The following TRIM49 variants were observed in gnomAD, a reference collection of about 807,000 sequenced individuals.
The protein encoded by TRIM49 is tripartite motif-containing protein 49.
Under a neutral mutation model 27.4 loss-of-function variants are expected in TRIM49, and 5 were observed. The ratio of observed to expected loss-of-function variants is 0.18; its 90% CI spans 0.10 to 0.38. The LOEUF (loss-of-function observed/expected upper bound fraction) is 0.38. TRIM49 is among the 10% of genes least tolerant of loss of function. The pLI is 1.00. For synonymous variants in TRIM49, 69 were observed against 166.0 expected, an observed-to-expected ratio of 0.42 and a Z score of 4.49; for missense variants, 188 against 487.5, an observed-to-expected ratio of 0.39 and a Z score of 5.79.
chr11:89,792,602 G>A, the TRIM49 span, among the ~76,000 whole-genome samples: 16 of 152,090 alleles, frequency 1.1e-4, no homozygotes, highest in South Asian at 2.1e-4. Context: ...ACTCAAAACC[G>A]CTCAACTACA....
chr11:89,806,312 C>CATATATGT (rs1949789295), intron 2 of TRIM49, among the ~76,000 whole-genome samples: 1 of 150,882 alleles, frequency 6.6e-6, no homozygotes, highest in East Asian at 1.9e-4. Flanking sequence ...TATCTGCACA[C>CATATATGT]ATATATGTAT....
intron 2 of TRIM49, 32 bp from the exon 3 acceptor site, chr11:89,804,505 G>A (rs1949772202): frequency 6.5e-7 from 1 of 1,536,094 alleles, no homozygotes; most frequent in Non-Finnish European, 8.7e-7. Context: ...GTCATTTTGG[G>A]GCCTGGGTTG....
the TRIM49 span, among the ~76,000 whole-genome samples, chr11:89,783,175 C>A: frequency 7.9e-6 from 1 of 126,590 alleles, no homozygotes; most frequent in African/African-American, 3.1e-5. Context: ...ATTCAGAAAA[C>A]TCTTATACTT....
At chr11:89,793,160 A>G (rs1321127376), downstream of TRIM49, among the ~76,000 whole-genome samples, 7 of 151,942 alleles carry the variant, frequency 4.6e-5, no homozygotes, top group African/African-American at 1.7e-4. Context: ...ATGGACACAT[A>G]CACTCTCCCA....
the TRIM49 span, chr11:89,787,861 C>T: frequency 2.3e-6 from 1 of 431,140 alleles, no homozygotes. Flanking sequence ...GTGCTTGACA[C>T]GGGGTTTGAG....
At chr11:89,776,406 T>A in the TRIM49 span, among the ~76,000 whole-genome samples, 1 of 147,708 alleles carries the variant, frequency 6.8e-6, no homozygotes, top group South Asian at 2.2e-4. Flanking sequence ...TACAGGCACG[T>A]GCCACCACGC....
At chr11:89,808,220 TTA>T (rs1253546667) in intron 1 of TRIM49, among the ~76,000 whole-genome samples, 3 of 116,998 alleles carry the variant, frequency 2.6e-5, no homozygotes, top group Non-Finnish European at 4.7e-5. Flanking sequence ...ATTATTTTTT[TTA>T]AAAAAGAGAT....
chr11:89,796,807 A>G (rs866057564), downstream of TRIM49, among the ~76,000 whole-genome samples: 1,650 of 151,666 alleles, frequency 0.011, no homozygotes, highest in African/African-American at 0.038. Context: ...AAATTTATTT[A>G]GCTATTCTAC....
the TRIM49 span, chr11:89,766,799 C>T: frequency 8.1e-7 from 1 of 1,238,580 alleles, no homozygotes; most frequent in Middle Eastern, 2.8e-4. Context: ...GATTATCCAC[C>T]TTCACACATA....
chr11:89,777,764 CA>C, the TRIM49 span, among the ~76,000 whole-genome samples: 1 of 146,858 alleles, frequency 6.8e-6, no homozygotes, highest in East Asian at 2.1e-4. Flanking sequence ...TTTTCACATC[CA>C]AATTATTAGA....
the TRIM49 span, among the ~76,000 whole-genome samples, chr11:89,770,727 G>A: frequency 1.2e-4 from 17 of 142,176 alleles, no homozygotes; most frequent in Admixed American, 1.1e-3. Context: ...TTAGCTGGGC[G>A]TGGTGGCGAG....
At chr11:89,794,649 A>G (rs1309392666), downstream of TRIM49, among the ~76,000 whole-genome samples, 2 of 146,372 alleles carry the variant, frequency 1.4e-5, no homozygotes, top group Admixed American at 6.9e-5. Flanking sequence ...AGGATTCCCT[A>G]TTTAATAAAT....
At position 89,805,002 on chromosome 11, in the gene TRIM49, G is replaced by A. The variant is rs1181171173; in HGVS notation, c.-4-529C>T. On this transcript the variant is annotated intron_variant, in intron 2 of 7. Coordinates refer to ENST00000329758, the MANE Select transcript of TRIM49 (RefSeq NM_020358.2). ...CCTACATAACAAGCCTGCAAGTCCT[G>A]CAGTTATCCCAGGACTTAAAATTAA... Among the ~76,000 whole-genome samples the A allele has an allele frequency of 3.3e-5, 5 of 151,192 alleles. 1 individual carries two copies. The highest frequency in any genetic ancestry group is 7.4e-5 in the Non-Finnish European group (5 of 67,890).
the TRIM49 span, among the ~76,000 whole-genome samples, chr11:89,789,942 CTG>C: frequency 6.6e-6 from 1 of 150,502 alleles, no homozygotes; most frequent in Admixed American, 6.6e-5. Flanking sequence ...CTAGCATGAG[CTG>C]AAGGAGGATG....
downstream of TRIM49, among the ~76,000 whole-genome samples, chr11:89,796,679 C>G (rs1949691953): frequency 6.7e-6 from 1 of 149,416 alleles, no homozygotes; most frequent in South Asian, 2.1e-4. Context: ...CTTTTCTTAA[C>G]TTCAATTTTA....
At chr11:89,783,823 T>C in the TRIM49 span, among the ~76,000 whole-genome samples, 7 of 144,650 alleles carry the variant, frequency 4.8e-5, no homozygotes, top group Admixed American at 4.0e-4. Flanking sequence ...ATTCAGAAGA[T>C]GCATTTCTCT....
intron 3 of TRIM49, 73 bp downstream of exon 3, chr11:89,803,986 A>T (rs1421312051): frequency 6.2e-7 from 1 of 1,611,472 alleles, no homozygotes. Flanking sequence ...GCTTTATCCA[A>T]TCTCCAAGAA....
In TRIM49 at chr11:89,804,350, G is replaced by T. The variant is rs774562050; in HGVS notation, c.120C>A (p.Tyr40Ter). The T allele has an allele frequency of 6.2e-7, 1 of 1,611,418 alleles. No homozygotes were observed. The highest frequency in any genetic ancestry group is 1.1e-5 in the South Asian group (1 of 90,912). The change falls in exon 3 of 8, where the codon TAC becomes TAA. Residue 40 changes from tyrosine (Y) to a stop codon, truncating the protein, a stop_gained. Coordinates refer to ENST00000329758, the MANE Select transcript of TRIM49 (RefSeq NM_020358.2). LOFTEE classifies it high-confidence loss of function. ...GAAATGGGATGTCTTGCCAGTTGAG[G>T]TAGAAACAAGGCCTGCAAAAGCTGT... Reference protein sequence around the residue: ...CGHSFCRPCFYLNWQDIPFLV... With the variant: ...CGHSFCRPCF
the TRIM49 span, among the ~76,000 whole-genome samples, chr11:89,775,952 C>T: frequency 1.4e-5 from 2 of 147,482 alleles, no homozygotes; most frequent in Admixed American, 1.3e-4. Flanking sequence ...CATATATTAT[C>T]ATCATGGAAT....
Sources: allele counts gnomAD v4.1 joint callset (sites outside exome capture counted in the v4.1 genomes callset), GRCh38; gene constraint gnomAD v4.1.1; transcripts MANE v1.5; gene names NCBI Gene and HGNC (gene_info 2026-07-23, HGNC 2026-07-21).